The following C9orf50 variants were observed in gnomAD, a reference collection of about 807,000 sequenced individuals.
C9orf50 encodes the protein uncharacterized protein C9orf50.
C9orf50 carries 33 observed loss-of-function variants against 42.5 expected under a neutral mutation model. The ratio of observed to expected loss-of-function variants is 0.78; its 90% CI spans 0.59 to 1.04. The LOEUF is 1.04. Ranked by LOEUF, C9orf50 falls within the 50% of genes least tolerant of loss-of-function variation. The probability of loss-of-function intolerance (pLI) is 0.00; values close to 1 mark genes in which losing one functional copy is unlikely to be tolerated. For synonymous variants in C9orf50, 257 were observed against 273.4 expected, an observed-to-expected ratio of 0.94 and a Z score of 0.59; for missense variants, 547 against 594.3, an observed-to-expected ratio of 0.92 and a Z score of 0.83.
In C9orf50 at chr9:129,613,063, G is replaced by A; in HGVS notation, c.1188+44C>T. On this transcript the variant is annotated intron_variant, in intron 6 of 6. Coordinates refer to ENST00000372478, the Ensembl canonical transcript of C9orf50. This position sits in a 1 kb window ranked among gnomAD's most constrained non-coding sequence, Gnocchi z 6.2. Reference sequence around the variant, plus strand: ...TGCTCCCGGAGCCAGCTGCCAGCAGGGGCTCACCAGCTTCTAGGTCCAGGA... The same window carrying A: ...TGCTCCCGGAGCCAGCTGCCAGCAGAGGCTCACCAGCTTCTAGGTCCAGGA... 1 of 1,610,690 alleles carries A rather than the reference G, an allele frequency of 6.2e-7. No individual in the cohort carries two copies. Among genetic ancestry groups the A allele is most frequent in the Non-Finnish European group, 8.5e-7 (1 of 1,179,454 alleles).
Position 129,613,195 on chromosome 9 carries a change from A to G in C9orf50, c.1100T>C (p.Leu367Pro). Residue 367 changes from leucine to proline, a missense_variant, in exon 6 of 7, where the codon CTG (leucine) becomes CCG (proline). By Grantham distance (98) the Leu-to-Pro change is moderately conservative. Coordinates refer to ENST00000372478, the Ensembl canonical transcript of C9orf50. The surrounding 1 kb of genome is among the most constrained non-coding windows in gnomAD (Gnocchi z 6.2). ...GGCCTTCTTCCATGAACAGAAGGGC[A>G]GGCTGCTGTTCATGGAGGTGTCCTC... is the stretch of plus-strand genomic sequence containing the variant. 6.2e-7 allele frequency: 1 copy of G among 1,613,608 alleles called. No individual in the cohort carries two copies. The highest frequency in any genetic ancestry group is 8.5e-7 in the Non-Finnish European group (1 of 1,179,974).
chr9:129,616,613 GT>G (rs919159042), intron 3 of C9orf50, among the ~76,000 whole-genome samples: 50 of 151,994 alleles, frequency 3.3e-4, no homozygotes, highest in African/African-American at 1.2e-3. Flanking sequence ...CATTCTGCAG[GT>G]TTTTTTCCCT....
intron 6 of C9orf50, 29 bp from the exon 7 acceptor site, chr9:129,612,483 G>T: frequency 6.3e-7 from 1 of 1,582,668 alleles, no homozygotes; most frequent in Non-Finnish European, 8.6e-7. Context: ...CCAGCTGGCT[G>T]CTACCAGGAC....
intron 3 of C9orf50, among the ~76,000 whole-genome samples, chr9:129,618,434 G>A (rs1395417680): frequency 6.6e-6 from 1 of 152,114 alleles, no homozygotes; most frequent in Non-Finnish European, 1.5e-5. Flanking sequence ...GGGTTGATGG[G>A]TGGATGGACT....
Position 129,620,320 on chromosome 9 carries a change from G to C in C9orf50, c.255C>G (p.Thr85=). Residue 85 remains threonine, a synonymous_variant, in exon 1 of 7, where the codon ACC becomes ACG. Coordinates refer to ENST00000372478, the Ensembl canonical transcript of C9orf50. This position sits in a 1 kb window ranked among gnomAD's most constrained non-coding sequence, Gnocchi z 5.8. ...GCTTCCGCACGGCCCGCCGGGTCGC[G>C]GTGAGCAAGGCGGGCAGGCGCGGCG... 6 of 1,237,958 alleles carry C rather than the reference G, an allele frequency of 4.8e-6. No individual in the cohort carries two copies. The highest frequency in any genetic ancestry group is 3.1e-4 in the Middle Eastern group (1 of 3,204). 76.7% of individuals were successfully genotyped at this position (1,237,958 alleles called of 1,614,324 possible). A position where few individuals can be genotyped will look rare whatever the true frequency, so the allele number is the denominator to read the frequency against.
chr9:129,620,903 C>T (rs1297404622), upstream of C9orf50: 3 of 273,040 alleles, frequency 1.1e-5, no homozygotes, highest in Non-Finnish European at 2.0e-5. This position sits in a 1 kb window ranked among gnomAD's most constrained non-coding sequence, Gnocchi z 5.8. Context: ...CATAGACTAG[C>T]TGCCATTCTT....
In C9orf50 at chr9:129,620,054, C is replaced by T; in HGVS notation, c.508+13G>A. On this transcript the variant is annotated intron_variant, in intron 1 of 6. Coordinates refer to ENST00000372478, the Ensembl canonical transcript of C9orf50. This position sits in a 1 kb window ranked among gnomAD's most constrained non-coding sequence, Gnocchi z 5.8. ...TGACTCGGGCCCGCCCCCCGGGCCC[C>T]GCGGGGCCTCACTCAGTGGCTCCGG... The T allele has an allele frequency of 6.9e-7, 1 of 1,454,098 alleles. No homozygotes were observed. The highest frequency in any genetic ancestry group is 1.5e-5 in the South Asian group (1 of 68,346). 90.1% of individuals were successfully genotyped at this position (1,454,098 alleles called of 1,614,324 possible).
At chr9:129,621,430 C>G (rs1217126013), upstream of C9orf50, among the ~76,000 whole-genome samples, 1 of 152,238 alleles carries the variant, frequency 6.6e-6, no homozygotes, top group African/African-American at 2.4e-5. Context: ...CATCATAGCT[C>G]ACTGCAGCCT....
Position 129,620,484 on chromosome 9 carries a change from G to A in C9orf50, c.91C>T (p.Arg31Trp). 3 of 1,389,920 alleles carry A rather than the reference G, an allele frequency of 2.2e-6. No individual in the cohort carries two copies. The highest frequency in any genetic ancestry group is 1.6e-5 in the South Asian group (1 of 64,076). The allele number at this position is 1,389,920 out of a possible 1,614,324, so 86.1% of individuals were successfully genotyped here. Residue 31 changes from arginine (R) to tryptophan (W), a missense_variant, in exon 1 of 7, where the codon CGG (arginine) becomes TGG (tryptophan). Transcript: ENST00000372478. This position sits in a 1 kb window ranked among gnomAD's most constrained non-coding sequence, Gnocchi z 5.8. ...GCGGGCGGGGTCAGCTTGGGCAGCC[G>A]CGGGTCGCTGCTGCGTCGGAAGTCT...
At position 129,619,517 on chromosome 9, in the gene C9orf50, C is replaced by T. The variant is rs374639150; in HGVS notation, c.716+3G>A. ...CCCTACCCTTATCCCGCCCATCACT[C>T]ACTGGTTGGCCTTTCTGACAGTGGT... On this transcript the variant is annotated splice_donor_region_variant and intron_variant, in intron 3 of 6. Transcript: ENST00000372478. 1.2e-5 allele frequency: 20 copies of T among 1,607,416 alleles called. No individual in the cohort carries two copies. Among genetic ancestry groups the T allele is most frequent in the Non-Finnish European group, 1.7e-5 (20 of 1,174,636 alleles).
intron 4 of C9orf50, 68 bp downstream of exon 4, chr9:129,615,416 C>T (rs1196403251): frequency 6.8e-7 from 1 of 1,467,748 alleles, no homozygotes; most frequent in Non-Finnish European, 9.1e-7. Flanking sequence ...GGGCCCGGAG[C>T]TACAGCCTCT....
rs1830169356 is a variant in C9orf50, at chr9:129,613,143, G to A, written c.1152C>T (p.Leu384=). The A allele has an allele frequency of 1.2e-6, 2 of 1,613,886 alleles. No homozygotes were observed. The highest frequency in any genetic ancestry group is 2.2e-5 in the East Asian group (1 of 44,880). ...TTCTGTGCGGGTCCAAGAAGGCTCG[G>A]AGGCTGCTTCGCGGCCTCTGAGCAG... The change falls in exon 6 of 7, where the codon CTC becomes CTT. Residue 384 remains leucine (L), a synonymous_variant. Coordinates refer to ENST00000372478, the Ensembl canonical transcript of C9orf50. The surrounding 1 kb of genome is among the most constrained non-coding windows in gnomAD (Gnocchi z 6.2).
Position 129,620,294 on chromosome 9 carries a change from C to A in C9orf50, c.281G>T (p.Arg94Leu). The A allele has an allele frequency of 1.6e-6, 2 of 1,254,584 alleles. No individual in the cohort carries two copies. Among genetic ancestry groups the A allele is most frequent in the Non-Finnish European group, 2.0e-6 (2 of 997,004 alleles). 77.7% of individuals were successfully genotyped at this position (1,254,584 alleles called of 1,614,324 possible). Residue 94 changes from arginine (R) to leucine (L), a missense_variant, in exon 1 of 7, where the codon CGG (arginine) becomes CTG (leucine). By Grantham distance (102) the Arg-to-Leu change is moderately radical (BLOSUM62 -2). This residue lies in a region of C9orf50 where 108 missense variants were observed against 172.1 expected (regional missense o/e 0.63). Transcript: ENST00000372478. The surrounding 1 kb of genome is among the most constrained non-coding windows in gnomAD (Gnocchi z 5.8). ...CGGCAGCAGGGACCGCAGCAGCCCC[C>A]GCTTCCGCACGGCCCGCCGGGTCGC...
At chr9:129,621,562 G>C (rs1209267220), upstream of C9orf50, among the ~76,000 whole-genome samples, 1 of 152,102 alleles carries the variant, frequency 6.6e-6, no homozygotes, top group African/African-American at 2.4e-5. Flanking sequence ...GAATTTTTTT[G>C]TATTTATGTT....
intron 6 of C9orf50, among the ~76,000 whole-genome samples, chr9:129,612,885 T>C (rs1487522314): frequency 2.0e-5 from 3 of 152,094 alleles, no homozygotes; most frequent in East Asian, 3.9e-4. Flanking sequence ...GGAACTGTGA[T>C]CGGAACCCAG....
In C9orf50 at chr9:129,620,357, A is replaced by T. The variant is rs1830628162; in HGVS notation, c.218T>A (p.Val73Asp). The change falls in exon 1 of 7, where the codon GTC becomes GAC. Residue 73 changes from valine (V) to aspartate (D), a missense_variant. Coordinates refer to ENST00000372478, the Ensembl canonical transcript of C9orf50. This position sits in a 1 kb window ranked among gnomAD's most constrained non-coding sequence, Gnocchi z 5.8. Reference sequence around the variant, plus strand: ...GGGCAGGCGCGGCGGGAGGCGTCCGACGCCCACCCCGGGCTTGGCGTCCCC... The same window carrying T: ...GGGCAGGCGCGGCGGGAGGCGTCCGTCGCCCACCCCGGGCTTGGCGTCCCC... 6.5e-6 allele frequency: 8 copies of T among 1,225,390 alleles called. No homozygotes were observed. Among genetic ancestry groups the T allele is most frequent in the African/African-American group, 1.6e-5 (1 of 62,616 alleles). 75.9% of individuals were successfully genotyped at this position (1,225,390 alleles called of 1,614,324 possible).
intron 3 of C9orf50, among the ~76,000 whole-genome samples, chr9:129,617,937 G>C (rs142844974): frequency 4.0e-3 from 614 of 152,312 alleles, no homozygotes; most frequent in Non-Finnish European, 6.7e-3. Flanking sequence ...TCCTGCCTCA[G>C]CCTCCCAAAG....
chr9:129,621,907 T>A (rs530106193), upstream of C9orf50, among the ~76,000 whole-genome samples: 3 of 152,108 alleles, frequency 2.0e-5, no homozygotes, highest in Non-Finnish European at 4.4e-5. Flanking sequence ...GAGCCCATCA[T>A]CCCTGCCTGG....
chr9:129,618,993 T>G (rs1398398521), intron 3 of C9orf50, among the ~76,000 whole-genome samples: 1 of 150,456 alleles, frequency 6.6e-6, no homozygotes, highest in African/African-American at 2.5e-5. Flanking sequence ...GGATTACAGG[T>G]GTGAGCCACC....
Sources: gnomAD v4.1 joint callset for allele counts (sites outside exome capture counted in the v4.1 genomes callset) on GRCh38, gnomAD v4.1.1 for gene constraint, gnomAD v4.1.1 regional missense constraint, Gnocchi (gnomAD v3.1) non-coding constraint, MANE v1.5 for transcripts, NCBI Gene and HGNC (gene_info 2026-07-23, HGNC 2026-07-21) for gene names.